PTCSC3: variants seen among roughly 807,000 people sequenced by gnomAD.
The protein encoded by PTCSC3 is papillary thyroid carcinoma susceptibility candidate 3 (non-protein coding).
At chr14:36,156,596 T>C (rs1322759398) in intron 2 of PTCSC3, among the ~76,000 whole-genome samples, 1 of 152,084 alleles carries the variant, frequency 6.6e-6, no homozygotes, top group Non-Finnish European at 1.5e-5. Context: ...CAGTGTGTGA[T>C]GTTTCCCCTC....
chr14:36,174,052 A>T (rs1314347509), intron 1 of PTCSC3, among the ~76,000 whole-genome samples: 1 of 151,992 alleles, frequency 6.6e-6, no homozygotes, highest in Admixed American at 6.6e-5. Flanking sequence ...TTTAGCTCTA[A>T]CGTGCCTAGG....
At chr14:36,161,617 G>A (rs547422910) in intron 2 of PTCSC3, among the ~76,000 whole-genome samples, 4 of 152,254 alleles carry the variant, frequency 2.6e-5, no homozygotes, top group South Asian at 4.1e-4. Context: ...AGGGGCACCC[G>A]CCAGATGCCA....
intron 1 of PTCSC3, among the ~76,000 whole-genome samples, chr14:36,171,120 C>T (rs192249356): frequency 6.1e-4 from 93 of 152,224 alleles, no homozygotes; most frequent in African/African-American, 2.2e-3. Flanking sequence ...GAGTTCTAAA[C>T]AATAGCCTGA....
rs1321605738 is a variant in PTCSC3, at chr14:36,147,665, C to A, written n.322+6139G>T. Among the ~76,000 whole-genome samples the A allele has an allele frequency of 8.5e-5, 13 of 152,072 alleles. No individual in the cohort carries two copies. In the East Asian group the frequency reaches 2.5e-3, roughly 29 times the overall value. ...CTGAAGCCTTCTTCTCTCAGCTCGT[C>A]AAAGTCATTCTCCGTCCAGCTTTGT... On this transcript the variant is annotated intron_variant and non_coding_transcript_variant, in intron 3 of 3. Coordinates refer to ENST00000556013, the Ensembl canonical transcript of PTCSC3.
intron 3 of PTCSC3, among the ~76,000 whole-genome samples, chr14:36,148,210 T>G (rs1221414457): frequency 6.6e-6 from 1 of 152,100 alleles, no homozygotes; most frequent in Non-Finnish European, 1.5e-5. Context: ...GCTTCCCGGC[T>G]GCTTTGTTTA....
chr14:36,141,719 T>C (rs1336268283), intron 3 of PTCSC3, among the ~76,000 whole-genome samples: 2 of 152,124 alleles, frequency 1.3e-5, no homozygotes, highest in Non-Finnish European at 2.9e-5. Flanking sequence ...TATATATGTA[T>C]ATATTTTATC....
chr14:36,145,392 A>G (rs1382147813), intron 3 of PTCSC3, among the ~76,000 whole-genome samples: 1 of 150,014 alleles, frequency 6.7e-6, no homozygotes, highest in Non-Finnish European at 1.5e-5. Context: ...GTCTTGGGAG[A>G]GTGTATGTGT....
intron 3 of PTCSC3, among the ~76,000 whole-genome samples, chr14:36,142,806 C>A (rs190257177): frequency 1.7e-5 from 2 of 114,848 alleles, no homozygotes; most frequent in Non-Finnish European, 3.4e-5. Context: ...ATCCCTCCCC[C>A]CTCCCCCCAC....
rs530702185 is a variant in PTCSC3, at chr14:36,153,313, G to A, written n.322+491C>T. ...GGATTTCACATATAAATTTTGGCAG[G>A]GGCACAAATATTTAGTGTACAACAA... On this transcript the variant is annotated intron_variant and non_coding_transcript_variant, in intron 3 of 3. Coordinates refer to ENST00000556013, the Ensembl canonical transcript of PTCSC3. Among the ~76,000 whole-genome samples the A allele has an allele frequency of 2.6e-5, 4 of 152,186 alleles. No homozygotes were observed. The South Asian group carries it at 8.3e-4, about 32-fold the overall frequency.
At chr14:36,167,021 C>G (rs1882100653) in intron 1 of PTCSC3, among the ~76,000 whole-genome samples, 1 of 152,132 alleles carries the variant, frequency 6.6e-6, no homozygotes, top group African/African-American at 2.4e-5. Flanking sequence ...AGAGGCTATA[C>G]CATAATCTTT....
intron 3 of PTCSC3, among the ~76,000 whole-genome samples, chr14:36,138,831 A>G (rs576908496): frequency 1.2e-4 from 18 of 152,326 alleles, no homozygotes; most frequent in African/African-American, 3.4e-4. Context: ...AGAAATGCAT[A>G]TATGTGGCCG....
At chr14:36,149,756 T>C (rs1240508812) in intron 3 of PTCSC3, among the ~76,000 whole-genome samples, 1 of 152,230 alleles carries the variant, frequency 6.6e-6, no homozygotes, top group Non-Finnish European at 1.5e-5. Flanking sequence ...CTGCTTTATC[T>C]GAAATCAACG....
intron 3 of PTCSC3, among the ~76,000 whole-genome samples, chr14:36,141,877 T>C (rs1207250145): frequency 6.6e-6 from 1 of 152,240 alleles, no homozygotes; most frequent in Admixed American, 6.5e-5. Flanking sequence ...CTTTAATATA[T>C]TAACATTGTG....
chr14:36,152,011 G>T (rs1489235312), intron 3 of PTCSC3, among the ~76,000 whole-genome samples: 1 of 152,082 alleles, frequency 6.6e-6, no homozygotes, highest in African/African-American at 2.4e-5. Flanking sequence ...GATCTAAGAA[G>T]ATTTGTTGAT....
At chr14:36,161,092 A>C (rs2139106121) in intron 2 of PTCSC3, among the ~76,000 whole-genome samples, 1 of 152,136 alleles carries the variant, frequency 6.6e-6, no homozygotes, top group East Asian at 1.9e-4. Flanking sequence ...TTCTTCTCTA[A>C]ACTGGTTATT....
intron 2 of PTCSC3, among the ~76,000 whole-genome samples, chr14:36,155,369 C>T (rs1332865204): frequency 1.3e-5 from 2 of 152,286 alleles, no homozygotes; most frequent in African/African-American, 4.8e-5. Flanking sequence ...ATACATACTA[C>T]TATAGGTGTA....
At chr14:36,144,353 T>A (rs1261319059) in intron 3 of PTCSC3, among the ~76,000 whole-genome samples, 15 of 144,406 alleles carry the variant, frequency 1.0e-4, no homozygotes, top group African/African-American at 3.9e-4. Flanking sequence ...GGTTTGTAGT[T>A]CTCCTTGAAG....
At chr14:36,137,663 GTCAAGGATAAC>G (rs1374950520) in intron 3 of PTCSC3, among the ~76,000 whole-genome samples, 2 of 152,138 alleles carry the variant, frequency 1.3e-5, no homozygotes, top group Non-Finnish European at 1.5e-5. Context: ...AAAGAGAGGA[GTCAAGGATAAC>G]TCCAAGGTTT....
chr14:36,166,295 A>G (rs988700716), intron 1 of PTCSC3, among the ~76,000 whole-genome samples: 2 of 152,156 alleles, frequency 1.3e-5, no homozygotes, highest in Non-Finnish European at 2.9e-5. Context: ...AAAATACGCT[A>G]CAGAGAACGT....
Sources: allele counts gnomAD v4.1 joint callset (sites outside exome capture counted in the v4.1 genomes callset), GRCh38; gene constraint gnomAD v4.1.1; transcripts MANE v1.5; gene names NCBI Gene and HGNC (gene_info 2026-07-23, HGNC 2026-07-21).